WWOX: variants seen among roughly 807,000 people sequenced by gnomAD.
WWOX encodes the protein WW domain-containing oxidoreductase.
In WWOX, 69 loss-of-function variants were observed where a neutral mutation model predicts 46.2. The ratio of observed to expected loss-of-function variants is 1.49; its 90% CI spans 1.23 to 1.82. WWOX has a LOEUF of 1.82. WWOX is among the 40% of genes most tolerant of loss of function. The pLI is 0.00. For synonymous variants in WWOX, 359 were observed against 202.6 expected (o/e 1.77, Z -6.56); for missense variants, 919 against 542.6 (o/e 1.69, Z -6.89).
At chr16:78,332,104 C>G (rs1016052408) in intron 5 of WWOX, among the ~76,000 whole-genome samples, 12 of 152,144 alleles carry the variant, frequency 7.9e-5, no homozygotes, top group African/African-American at 2.2e-4. Flanking sequence ...TGAAAGACAA[C>G]TTAGGTTTGG....
intron 8 of WWOX, chr16:78,526,476 C>T (rs1484510684): frequency 6.6e-6 from 1 of 152,192 alleles, no homozygotes; most frequent in African/African-American, 2.4e-5. Context: ...AGAGAAGATC[C>T]ATTGCAAAAT....
chr16:78,432,497 T>C lies in WWOX; in HGVS notation c.801T>C (p.Asp267=), dbSNP rs2083245726. The C allele has an allele frequency of 6.2e-7, 1 of 1,613,984 alleles. No individual in the cohort carries two copies. The highest frequency in any genetic ancestry group is 1.3e-5 in the African/African-American group (1 of 74,918). The change falls in exon 8 of 9, where the codon GAT becomes GAC. Residue 267 remains aspartate, a synonymous_variant. Coordinates refer to ENST00000566780, the MANE Select transcript of WWOX (RefSeq NM_016373.4). ...VVSSESHRFT[D]INDSLGKLDF... is the part of the protein sequence containing the mutation. Reference sequence around the variant, plus strand: ...ATTTCCTATTTTTAAGATTTACAGATATTAACGACTCCTTGGGAAAACTGG... The same window carrying C: ...ATTTCCTATTTTTAAGATTTACAGACATTAACGACTCCTTGGGAAAACTGG...
intron 8 of WWOX, among the ~76,000 whole-genome samples, chr16:79,007,364 T>C (rs2151372700): frequency 6.6e-6 from 1 of 152,198 alleles, no homozygotes; most frequent in East Asian, 1.9e-4. Flanking sequence ...TGGAAAGGTG[T>C]TCCAGGCAAA....
intron 8 of WWOX, among the ~76,000 whole-genome samples, chr16:78,745,890 G>C (rs751261800): frequency 6.6e-6 from 1 of 152,092 alleles, no homozygotes. Flanking sequence ...TTAATACTAG[G>C]AACGTGTGCA....
intron 5 of WWOX, among the ~76,000 whole-genome samples, chr16:78,353,192 C>G (rs2081217855): frequency 6.6e-6 from 1 of 152,186 alleles, no homozygotes. Context: ...CTTAGCAACT[C>G]TTCATTGCTG....
intron 8 of WWOX, among the ~76,000 whole-genome samples, chr16:78,784,177 C>T (rs905735526): frequency 1.7e-4 from 26 of 152,072 alleles, no homozygotes; most frequent in African/African-American, 5.6e-4. Flanking sequence ...TCCCATGTAA[C>T]GTGCACATCA....
intron 8 of WWOX, among the ~76,000 whole-genome samples, chr16:78,761,532 T>G (rs2049793950): frequency 6.6e-6 from 1 of 152,174 alleles, no homozygotes; most frequent in Non-Finnish European, 1.5e-5. Context: ...TCATCTACCC[T>G]GATAGTTTCC....
chr16:78,819,816 T>C (rs1023076012), intron 8 of WWOX, among the ~76,000 whole-genome samples: 7 of 152,226 alleles, frequency 4.6e-5, no homozygotes, highest in African/African-American at 1.4e-4. Context: ...ATATCTCTGA[T>C]GGTTAAGAGC....
chr16:78,856,391 G>T (rs543423636), intron 8 of WWOX, among the ~76,000 whole-genome samples: 1 of 152,136 alleles, frequency 6.6e-6, no homozygotes, highest in Non-Finnish European at 1.5e-5. Flanking sequence ...GCCTGTAATC[G>T]CAGCACTTTG....
At chr16:78,560,022 A>G (rs2044396674) in intron 8 of WWOX, among the ~76,000 whole-genome samples, 1 of 152,266 alleles carries the variant, frequency 6.6e-6, no homozygotes, top group African/African-American at 2.4e-5. Context: ...AATTAGTGAC[A>G]TTGAAAGGCT....
intron 5 of WWOX, among the ~76,000 whole-genome samples, chr16:78,288,247 A>G (rs2079802233): frequency 6.7e-6 from 1 of 148,270 alleles, no homozygotes; most frequent in Non-Finnish European, 1.5e-5. Flanking sequence ...AGACAGTGTG[A>G]TGAATTATTT....
chr16:79,077,822 C>G (rs1403361625), intron 8 of WWOX: 1 of 152,130 alleles, frequency 6.6e-6, no homozygotes, highest in African/African-American at 2.4e-5. Context: ...TTCTCCTAAA[C>G]TCCTGCAAAG....
At chr16:78,418,734 G>C (rs545871786) in intron 6 of WWOX, among the ~76,000 whole-genome samples, 10 of 152,096 alleles carry the variant, frequency 6.6e-5, no homozygotes, top group Admixed American at 6.5e-4. Flanking sequence ...GTTTTAAAAA[G>C]GTCCAGCACG....
In WWOX at chr16:78,188,541, G is replaced by A. The variant is rs116669765; in HGVS notation, c.516+24252G>A. On this transcript the variant is annotated intron_variant, in intron 5 of 8. Coordinates refer to ENST00000566780, the MANE Select transcript of WWOX (RefSeq NM_016373.4). ...TTTGCCTCAGTTGGGAAAAAATAAAGTTTTAAGGCTCTAGAATTGGAGTGA... is the reference window on the plus strand; with the variant it reads ...TTTGCCTCAGTTGGGAAAAAATAAAATTTTAAGGCTCTAGAATTGGAGTGA... Among the ~76,000 whole-genome samples, 293 of 151,334 alleles carry A rather than the reference G, an allele frequency of 1.9e-3. 1 individual carries two copies. The highest frequency in any genetic ancestry group is 5.6e-3 in the African/African-American group (231 of 41,196).
intron 5 of WWOX, among the ~76,000 whole-genome samples, chr16:78,218,042 T>A (rs73570423): frequency 1.3e-5 from 2 of 152,138 alleles, no homozygotes; most frequent in South Asian, 2.1e-4. Flanking sequence ...TCCCTGTGCT[T>A]GCCTTTCTTT....
chr16:78,905,590 A>C (rs527236506), intron 8 of WWOX, among the ~76,000 whole-genome samples: 4 of 152,152 alleles, frequency 2.6e-5, no homozygotes, highest in Non-Finnish European at 4.4e-5. Flanking sequence ...CATATTGACC[A>C]GGCCGGACTC....
At chr16:78,200,188 C>T (rs1019126572) in intron 5 of WWOX, among the ~76,000 whole-genome samples, 1 of 152,042 alleles carries the variant, frequency 6.6e-6, no homozygotes, top group African/African-American at 2.4e-5. Context: ...TGACTGTTGC[C>T]TCAGCCGCTG....
intron 8 of WWOX, among the ~76,000 whole-genome samples, chr16:79,146,314 A>G (rs2050181722): frequency 3.9e-5 from 6 of 152,172 alleles, no homozygotes; most frequent in South Asian, 4.1e-4. Context: ...TCCTACCAGC[A>G]GAGCCTTCTT....
intron 8 of WWOX, among the ~76,000 whole-genome samples, chr16:78,974,612 C>G (rs879596979): frequency 4.6e-5 from 7 of 152,154 alleles, no homozygotes; most frequent in Non-Finnish European, 8.8e-5. Context: ...TTAGCACAAA[C>G]CTAAATATTA....
Sources: gnomAD v4.1 joint callset for allele counts (sites outside exome capture counted in the v4.1 genomes callset) on GRCh38, gnomAD v4.1.1 for gene constraint, MANE v1.5 for transcripts, NCBI Gene and HGNC (gene_info 2026-07-23, HGNC 2026-07-21) for gene names.